The following MBD5 variants were observed in gnomAD, a reference collection of about 807,000 sequenced individuals.
The protein encoded by MBD5 is methyl-CpG-binding domain protein 5.
A neutral mutation model predicts 117.3 loss-of-function variants in MBD5; 13 were observed. The observed-to-expected ratio is 0.11, with a 90% CI of 0.07 to 0.18. The LOEUF (loss-of-function observed/expected upper bound fraction) is 0.18. Among genes scored for constraint, MBD5 ranks in the 10% least tolerant of loss-of-function variants. The pLI is 1.00. For missense variants in MBD5, 1,879 were observed against 2,093.8 expected (o/e 0.90, Z 2.00); for synonymous variants, 727 against 766.4 (o/e 0.95, Z 0.85).
At chr2:148,318,968 G>A (rs181197270) in intron 3 of MBD5, among the ~76,000 whole-genome samples, 134 of 152,138 alleles carry the variant, frequency 8.8e-4, no homozygotes, top group African/African-American at 2.1e-3. Context: ...TGCTAGTCTC[G>A]GCCTCCCAAA....
At chr2:148,314,298 A>T (rs926617336) in intron 3 of MBD5, among the ~76,000 whole-genome samples, 1 of 151,064 alleles carries the variant, frequency 6.6e-6, no homozygotes, top group African/African-American at 2.4e-5. Flanking sequence ...TAGATATCTT[A>T]ACTTCTTTAT....
intron 11 of MBD5, among the ~76,000 whole-genome samples, chr2:148,500,961 G>A (rs1415757149): frequency 6.6e-6 from 1 of 152,018 alleles, no homozygotes; most frequent in East Asian, 1.9e-4. Context: ...CTTTTCCAGT[G>A]GTCCCAGTAA....
chr2:148,457,062 A>G (rs1353672612), intron 4 of MBD5, among the ~76,000 whole-genome samples: 3 of 152,202 alleles, frequency 2.0e-5, no homozygotes, highest in Admixed American at 6.6e-5. Context: ...CATCTTTGAA[A>G]TACGTGTTGT....
At chr2:148,315,925 A>G (rs1386126623) in intron 3 of MBD5, among the ~76,000 whole-genome samples, 2 of 152,206 alleles carry the variant, frequency 1.3e-5, no homozygotes, top group African/African-American at 4.8e-5. Context: ...TCATAAAGAA[A>G]AGTGGTTTGA....
chr2:148,049,745 A>T (rs1018682502), intron 1 of MBD5, among the ~76,000 whole-genome samples: 6 of 152,174 alleles, frequency 3.9e-5, no homozygotes, highest in Non-Finnish European at 8.8e-5. Context: ...ATCGTCTGGC[A>T]ACTTCTAGTC....
At chr2:148,080,075 C>A (rs1695612268) in intron 1 of MBD5, among the ~76,000 whole-genome samples, 1 of 152,022 alleles carries the variant, frequency 6.6e-6, no homozygotes, top group Admixed American at 6.6e-5. Flanking sequence ...TCGAAACAAA[C>A]AAGAACAATA....
At chr2:148,496,596 CT>C (rs754169048) in intron 11 of MBD5, among the ~76,000 whole-genome samples, 22 of 152,180 alleles carry the variant, frequency 1.4e-4, no homozygotes, top group Non-Finnish European at 2.9e-4. Flanking sequence ...GTTACATGAA[CT>C]TTTAAACATT....
In MBD5 at chr2:148,483,603, C is replaced by G. The variant is rs778985938; in HGVS notation, c.3012C>G (p.Pro1004=). The G allele has an allele frequency of 4.5e-6, 7 of 1,554,556 alleles. No homozygotes were observed. Among genetic ancestry groups the G allele is most frequent in the Non-Finnish European group, 5.2e-6 (6 of 1,148,832 alleles). Residue 1004 remains proline, a synonymous_variant, in exon 9 of 14, where the codon CCC becomes CCG. Coordinates refer to ENST00000642680, the MANE Select transcript of MBD5 (RefSeq NM_001378120.1). ...QNQAQAAAML[P]LPSFNLTISD... is the part of the protein sequence containing the mutation. ...AAGCCCAAGCAGCTGCCATGCTTCC[C>G]CTGCCATCTTTCAATCTGACCATCT...
intron 1 of MBD5, among the ~76,000 whole-genome samples, chr2:148,022,081 C>CTCCA (rs1693762672): frequency 6.6e-6 from 1 of 152,150 alleles, no homozygotes; most frequent in Admixed American, 6.5e-5. Flanking sequence ...CCAGGAAAAG[C>CTCCA]TCCACTGCAT....
chr2:148,070,257 C>T (rs1215619053), intron 1 of MBD5, among the ~76,000 whole-genome samples: 2 of 152,162 alleles, frequency 1.3e-5, no homozygotes, highest in Admixed American at 1.3e-4. Context: ...CCAGTTCTAT[C>T]CATGTTGCTG....
intron 3 of MBD5, among the ~76,000 whole-genome samples, chr2:148,237,911 C>T (rs1258804832): frequency 2.0e-5 from 3 of 152,090 alleles, no homozygotes; most frequent in Non-Finnish European, 4.4e-5. Flanking sequence ...TGATTTTTTT[C>T]ACCCCCAATT....
chr2:148,380,573 A>G (rs1184534206), intron 4 of MBD5, among the ~76,000 whole-genome samples: 1 of 152,230 alleles, frequency 6.6e-6, no homozygotes, highest in Non-Finnish European at 1.5e-5. Context: ...ATTTATATAT[A>G]TATAGTCTTA....
At chr2:148,222,502 G>A (rs1699714517) in intron 2 of MBD5, among the ~76,000 whole-genome samples, 1 of 151,650 alleles carries the variant, frequency 6.6e-6, no homozygotes, top group African/African-American at 2.4e-5. Context: ...TAATTCCTAG[G>A]TATTTATTTG....
chr2:148,227,864 C>A (rs1313300918), intron 2 of MBD5, among the ~76,000 whole-genome samples: 2 of 152,110 alleles, frequency 1.3e-5, no homozygotes, highest in Non-Finnish European at 2.9e-5. Context: ...GTATTTTATT[C>A]TCTTTGAAGC....
intron 4 of MBD5, among the ~76,000 whole-genome samples, chr2:148,392,625 AG>A (rs1574373784): frequency 6.6e-6 from 1 of 152,130 alleles, no homozygotes. Context: ...TCTGTCTGAC[AG>A]TTATTTTATG....
chr2:148,126,507 C>T (rs1451020202), intron 1 of MBD5, among the ~76,000 whole-genome samples: 1 of 151,916 alleles, frequency 6.6e-6, no homozygotes, highest in Non-Finnish European at 1.5e-5. Flanking sequence ...CTACATATTA[C>T]CTTCCAGCAT....
At chr2:148,435,350 G>A (rs1363235691) in intron 4 of MBD5, among the ~76,000 whole-genome samples, 1 of 152,104 alleles carries the variant, frequency 6.6e-6, no homozygotes, top group African/African-American at 2.4e-5. Flanking sequence ...TTGCTTTATA[G>A]TGTCACTCAT....
intron 1 of MBD5, chr2:148,028,771 T>G (rs1473511803): frequency 1.3e-5 from 2 of 152,130 alleles, no homozygotes; most frequent in Non-Finnish European, 2.9e-5. Flanking sequence ...AGTTATAAAG[T>G]ATCATTAATG....
chr2:148,043,269 CAAAA>C (rs562084533), intron 1 of MBD5, among the ~76,000 whole-genome samples: 1 of 142,794 alleles, frequency 7.0e-6, no homozygotes, highest in African/African-American at 2.6e-5. Context: ...ACTAAAAATA[CAAAA>C]AAAAAATAAA....
Sources: gnomAD v4.1 joint callset for allele counts (sites outside exome capture counted in the v4.1 genomes callset) on GRCh38, gnomAD v4.1.1 for gene constraint, MANE v1.5 for transcripts, NCBI Gene and HGNC (gene_info 2026-07-23, HGNC 2026-07-21) for gene names.